CCDC171: variants seen among roughly 807,000 people sequenced by gnomAD.
The protein encoded by CCDC171 is coiled-coil domain-containing protein 171.
CCDC171 carries 177 observed loss-of-function variants against 168.2 expected under a neutral mutation model. That is an observed-to-expected ratio of 1.05 (90% CI 0.93 to 1.19). CCDC171 has a LOEUF of 1.19. CCDC171 is among the 50% of genes most tolerant of loss of function. The pLI is 0.00. For missense variants in CCDC171, 1,991 were observed against 1,539.0 expected (o/e 1.29, Z -4.91); for synonymous variants, 687 against 540.8 (o/e 1.27, Z -3.75).
chr9:15,589,867 A>G (rs550956376), intron 4 of CCDC171, among the ~76,000 whole-genome samples: 1 of 152,316 alleles, frequency 6.6e-6, no homozygotes, highest in South Asian at 2.1e-4. Context: ...AATTTGAATA[A>G]TAGGGAATAG....
chr9:15,875,966 G>A (rs1415079511), intron 24 of CCDC171: 1 of 151,998 alleles, frequency 6.6e-6, no homozygotes, highest in Non-Finnish European at 1.5e-5. Context: ...TATGAATACA[G>A]TCTGATTTGA....
chr9:15,768,205 C>A (rs201711251), intron 18 of CCDC171, among the ~76,000 whole-genome samples: 66 of 138,762 alleles, frequency 4.8e-4, no homozygotes, highest in East Asian at 6.2e-4. Context: ...AAAAAAAAAA[C>A]CCTAAAATTC....
intron 8 of CCDC171, among the ~76,000 whole-genome samples, chr9:15,660,192 TA>T (rs1430956856): frequency 6.6e-6 from 1 of 152,224 alleles, no homozygotes; most frequent in Non-Finnish European, 1.5e-5. Flanking sequence ...CAGATCCCTA[TA>T]TTTGAGCATG....
At chr9:15,857,713 C>T (rs1297505423) in intron 23 of CCDC171, among the ~76,000 whole-genome samples, 1 of 151,576 alleles carries the variant, frequency 6.6e-6, no homozygotes, top group Non-Finnish European at 1.5e-5. Flanking sequence ...CATGAGCCAC[C>T]GTGCCTGGCC....
rs1046010592 is a variant in CCDC171 at position 15,571,637 on chromosome 9, T to C, written c.55T>C (p.Ser19Pro). 4.5e-6 allele frequency: 7 copies of C among 1,558,624 alleles called. No individual in the cohort carries two copies. Among genetic ancestry groups the C allele is most frequent in the Non-Finnish European group, 6.0e-6 (7 of 1,159,322 alleles). ...CTCATTTTAAAGGTTGAAGATTGCC[T>C]CATTGGATGTAAAACAAATACTTAA... is the stretch of plus-strand genomic sequence containing the variant. ...TGDTQRLKIA[S>P]LDVKQILKNE... Residue 19 changes from serine (S) to proline (P), a missense_variant, in exon 3 of 26, where the codon TCA becomes CCA. Ser to Pro is a moderately conservative substitution (Grantham distance 74). Transcript: ENST00000380701.
At chr9:15,673,833 G>A (rs1172729473) in intron 9 of CCDC171, among the ~76,000 whole-genome samples, 1 of 152,158 alleles carries the variant, frequency 6.6e-6, no homozygotes, top group South Asian at 2.1e-4. Context: ...TCTCTGCCAG[G>A]CTTTGGCATC....
At chr9:15,914,944 C>T (rs1824285811) in intron 24 of CCDC171, among the ~76,000 whole-genome samples, 1 of 152,132 alleles carries the variant, frequency 6.6e-6, no homozygotes, top group Non-Finnish European at 1.5e-5. Flanking sequence ...TGATGCCCCA[C>T]TCTGCTTCTG....
At chr9:15,580,812 A>G (rs138480006) in intron 4 of CCDC171, among the ~76,000 whole-genome samples, 2 of 152,314 alleles carry the variant, frequency 1.3e-5, no homozygotes, top group Non-Finnish European at 2.9e-5. Flanking sequence ...ACTATGGACA[A>G]TAGTATGGAG....
At chr9:15,937,232 A>C (rs999992117) in intron 25 of CCDC171, among the ~76,000 whole-genome samples, 1 of 152,068 alleles carries the variant, frequency 6.6e-6, no homozygotes, top group Non-Finnish European at 1.5e-5. Flanking sequence ...AACATGGGAA[A>C]TAATGGCTAG....
chr9:15,613,377 G>T (rs1380108583), intron 6 of CCDC171, among the ~76,000 whole-genome samples: 2 of 151,986 alleles, frequency 1.3e-5, no homozygotes, highest in Admixed American at 6.6e-5. Flanking sequence ...AGTTCTTGGA[G>T]CATATTTCTG....
intron 7 of CCDC171, among the ~76,000 whole-genome samples, chr9:15,653,535 A>T (rs952823291): frequency 6.6e-6 from 1 of 152,150 alleles, no homozygotes; most frequent in East Asian, 1.9e-4. Flanking sequence ...ATGTTTCTCA[A>T]TATGGAAAAT....
At chr9:16,079,661 A>C in the CCDC171 span, among the ~76,000 whole-genome samples, 2 of 152,218 alleles carry the variant, frequency 1.3e-5, no homozygotes, top group South Asian at 4.1e-4. Context: ...TTGCTTTTGG[A>C]CTTCTAATCT....
At chr9:16,063,289 G>C (rs1487374647), downstream of CCDC171, among the ~76,000 whole-genome samples, 1 of 152,166 alleles carries the variant, frequency 6.6e-6, no homozygotes, top group Non-Finnish European at 1.5e-5. Context: ...GCTCGAAAGA[G>C]AGGAACATCA....
At chr9:15,719,409 C>T (rs998864940) in intron 11 of CCDC171, among the ~76,000 whole-genome samples, 2 of 17,308 alleles carry the variant, frequency 1.2e-4, no homozygotes, top group South Asian at 2.2e-3. Flanking sequence ...GGGGGCGGGG[C>T]GGGGGAAAGA....
chr9:15,629,777 G>C (rs1587563039), intron 7 of CCDC171, among the ~76,000 whole-genome samples: 2 of 152,190 alleles, frequency 1.3e-5, no homozygotes, highest in Admixed American at 1.3e-4. Flanking sequence ...CAGCCAGAGA[G>C]AAAGGTTGGG....
chr9:16,092,364 G>C, the CCDC171 span, among the ~76,000 whole-genome samples: 2 of 152,148 alleles, frequency 1.3e-5, no homozygotes, highest in African/African-American at 4.8e-5. Context: ...GGTGTGGGTG[G>C]CCCCCTCAGG....
chr9:16,056,597 C>T (rs1010838019), intron 1 of CCDC171, among the ~76,000 whole-genome samples: 21 of 152,148 alleles, frequency 1.4e-4, no homozygotes, highest in African/African-American at 5.1e-4. Flanking sequence ...AAGCAATCCC[C>T]CTGCTTCAGC....
chr9:15,635,936 C>T (rs898876680), intron 7 of CCDC171, among the ~76,000 whole-genome samples: 15 of 152,208 alleles, frequency 9.9e-5, no homozygotes, highest in Admixed American at 3.9e-4. Flanking sequence ...TTCTCTAGAT[C>T]CTCACCAACA....
rs1479546317 is a variant in CCDC171, at chr9:15,817,570, C to T, written c.3268-29132C>T. The stretch of plus-strand genomic sequence containing the variant: ...ATATCCAGCACCTGGCTTGGAGGGT[C>T]CTACGCCCACGGAGCCTCGCTCATT... On this transcript the variant is annotated intron_variant, in intron 21 of 25. Coordinates refer to ENST00000380701, the MANE Select transcript of CCDC171 (RefSeq NM_173550.4). 4.2e-5 allele frequency among the ~76,000 whole-genome samples: 5 copies of T among 118,540 alleles called. 1 individual carries two copies. Among genetic ancestry groups the T allele is most frequent in the African/African-American group, 1.3e-4 (4 of 31,642 alleles). 77.8% of individuals were successfully genotyped at this position (118,540 alleles called of 152,430 possible).
Sources: allele counts gnomAD v4.1 joint callset (sites outside exome capture counted in the v4.1 genomes callset), GRCh38; gene constraint gnomAD v4.1.1; transcripts MANE v1.5; gene names NCBI Gene and HGNC (gene_info 2026-07-23, HGNC 2026-07-21).